The following MOSPD3 variants were observed in gnomAD, a reference collection of about 807,000 sequenced individuals.
The protein encoded by MOSPD3 is motile sperm domain containing 3, also known as motile sperm domain-containing protein 3.
MOSPD3 carries 20 observed loss-of-function variants against 23.3 expected under a neutral mutation model. The observed-to-expected ratio is 0.86, with a 90% CI of 0.61 to 1.25. The LOEUF (loss-of-function observed/expected upper bound fraction) is 1.25, where lower values mean the gene tolerates loss of function less well. MOSPD3 is among the 50% of genes most tolerant of loss of function. The pLI is 0.00. For synonymous variants in MOSPD3, 136 were observed against 135.2 expected, an observed-to-expected ratio of 1.01 and a Z score of -0.04; for missense variants, 307 against 315.7, an observed-to-expected ratio of 0.97 and a Z score of 0.21.
chr7:100,613,613 T>A lies in MOSPD3; in HGVS notation c.418T>A (p.Tyr140Asn), dbSNP rs749953276. The change falls in exon 3 of 5, where the codon TAC becomes AAC. Residue 140 changes from tyrosine to asparagine, a missense_variant. Coordinates refer to ENST00000393950, the MANE Select transcript of MOSPD3 (RefSeq NM_023948.5). ...DITSILRAPA[Y>N]PLELQGQPDP... Reference sequence around the variant, plus strand: ...TACCTCCATTCTGAGAGCCCCAGCGTACCCCCTTGAGCTTCAGGGACAGCC... The same window carrying A: ...TACCTCCATTCTGAGAGCCCCAGCGAACCCCCTTGAGCTTCAGGGACAGCC... 1.2e-6 allele frequency: 2 copies of A among 1,614,222 alleles called. No homozygotes were observed. Among genetic ancestry groups the A allele is most frequent in the Admixed American group, 3.3e-5 (2 of 60,020 alleles).
In MOSPD3 at chr7:100,613,157, A is replaced by G. The variant is rs568794077; in HGVS notation, c.206-37A>G. The G allele has an allele frequency of 2.9e-5, 47 of 1,609,654 alleles. No individual in the cohort carries two copies. In the Middle Eastern group the frequency reaches 6.6e-4, roughly 23 times the overall value. On this transcript the variant is annotated intron_variant, in intron 1 of 4. Transcript: ENST00000393950. ...GGCAGAGGGGACTTAAATGACCCACATGGCAGGGCTTGTCTGTGTGTGTCT... is the reference window on the plus strand; with the variant it reads ...GGCAGAGGGGACTTAAATGACCCACGTGGCAGGGCTTGTCTGTGTGTGTCT...
Position 100,612,842 on chromosome 7 carries a change from T to C in MOSPD3, c.51T>C (p.Pro17=). The C allele has an allele frequency of 6.2e-7, 1 of 1,610,620 alleles. No individual in the cohort carries two copies. Residue 17 remains proline, a synonymous_variant, in exon 1 of 5, where the codon CCT becomes CCC. Transcript: ENST00000393950. ...QDQELVGPGP[P]GRGSRGAPPP... ...AGGAGCTGGTGGGTCCGGGGCCCCCTGGGCGGGGGTCCCGGGGCGCCCCTC... is the reference window on the plus strand; with the variant it reads ...AGGAGCTGGTGGGTCCGGGGCCCCCCGGGCGGGGGTCCCGGGGCGCCCCTC...
rs1320876181 is a variant in MOSPD3, at chr7:100,615,328, G to A, written c.*145G>A. Reference sequence around the variant, plus strand: ...TCCTCCCTGACAAAAAACACCCAGGGATTTGTACTCATTTTCCAAGTTGAA... The same window carrying A: ...TCCTCCCTGACAAAAAACACCCAGGAATTTGTACTCATTTTCCAAGTTGAA... On this transcript the variant is annotated 3_prime_UTR_variant, in exon 5 of 5. Coordinates refer to ENST00000393950, the MANE Select transcript of MOSPD3 (RefSeq NM_023948.5). The A allele has an allele frequency of 1.5e-6, 1 of 654,900 alleles. No homozygotes were observed. The highest frequency in any genetic ancestry group is 1.8e-5 in the African/African-American group (1 of 54,318). 40.6% of individuals were successfully genotyped at this position (654,900 alleles called of 1,614,324 possible). A position where few individuals can be genotyped will look rare whatever the true frequency, so the allele number is the denominator to read the frequency against.
At chr7:100,614,751 A>G in intron 3 of MOSPD3, 116 bp from the exon 4 acceptor site, 1 of 1,202,050 alleles carries the variant, frequency 8.3e-7, no homozygotes, top group East Asian at 2.6e-5. Context: ...TCTACAAAAA[A>G]TAAAAGATAA....
intron 3 of MOSPD3, 181 bp downstream of exon 3, chr7:100,613,887 G>T: frequency 3.1e-6 from 2 of 637,372 alleles, no homozygotes; most frequent in Non-Finnish European, 2.7e-6. Flanking sequence ...AGCTTCCCTG[G>T]TTTCTGACTT....
Position 100,613,202 on chromosome 7 carries a change from A to G in MOSPD3, c.214A>G (p.Thr72Ala). ...GTGTCTCTATCCCCCAGTCCTGTGC[A>G]CAGCACCTGCCAAATACACGGTGTT... Reference protein sequence around the residue: ...GTALRFRVLCTAPAKYTVFDA... With the variant: ...GTALRFRVLCAAPAKYTVFDA... Residue 72 changes from threonine to alanine, a missense_variant, in exon 2 of 5, where the codon ACA (threonine) becomes GCA (alanine). Thr to Ala is a moderately conservative substitution (Grantham distance 58). Coordinates refer to ENST00000393950, the MANE Select transcript of MOSPD3 (RefSeq NM_023948.5). 6.2e-7 allele frequency: 1 copy of G among 1,614,104 alleles called. No individual in the cohort carries two copies. Among genetic ancestry groups the G allele is most frequent in the East Asian group, 2.2e-5 (1 of 44,874 alleles).
At position 100,613,036 on chromosome 7, in the gene MOSPD3, A is replaced by C. The variant is rs200215364; in HGVS notation, c.205+40A>C. On this transcript the variant is annotated intron_variant, in intron 1 of 4. Transcript: ENST00000393950. ...GCCTCGTGGGGGCTGGTGGCCGGACACTGGGGGGTTGTGTTGGCTGGAGGA... is the reference window on the plus strand; with the variant it reads ...GCCTCGTGGGGGCTGGTGGCCGGACCCTGGGGGGTTGTGTTGGCTGGAGGA... The C allele has an allele frequency of 3.5e-4, 559 of 1,610,230 alleles. 3 individuals are homozygous for C. In the East Asian group the frequency reaches 0.011, roughly 32 times the overall value.
chr7:100,613,449 A>G (rs1424086714), intron 2 of MOSPD3, 28 bp from the exon 3 acceptor site: 3 of 1,611,126 alleles, frequency 1.9e-6, no homozygotes, highest in East Asian at 4.5e-5. Flanking sequence ...ATTCACCCCA[A>G]TGGGCTTCTC....
chr7:100,615,349 T>C lies in MOSPD3; in HGVS notation c.*166T>C, dbSNP rs138646199. ...CAGGGATTTGTACTCATTTTCCAAG[T>C]TGAATAAAATACATTTTTAAAATGA... On this transcript the variant is annotated 3_prime_UTR_variant, in exon 5 of 5. Coordinates refer to ENST00000393950, the MANE Select transcript of MOSPD3 (RefSeq NM_023948.5). 51 of 599,244 alleles carry C rather than the reference T, an allele frequency of 8.5e-5. No individual in the cohort carries two copies. The African/African-American group carries it at 9.2e-4, about 11-fold the overall frequency. 37.1% of individuals were successfully genotyped at this position (599,244 alleles called of 1,614,324 possible).
chr7:100,615,184 G>A lies in MOSPD3; in HGVS notation c.*1G>A, dbSNP rs750843847. 3.1e-6 allele frequency: 5 copies of A among 1,613,886 alleles called. No homozygotes were observed. Among genetic ancestry groups the A allele is most frequent in the Admixed American group, 1.7e-5 (1 of 60,008 alleles). ...CACCATGGTGTTCCTCCGGACCTGA[G>A]CTCCGTGCTCAACCCCCAGCCCACC... On this transcript the variant is annotated 3_prime_UTR_variant, in exon 5 of 5. Transcript: ENST00000393950.
intron 3 of MOSPD3, among the ~76,000 whole-genome samples, chr7:100,614,132 G>A (rs1370951791): frequency 6.6e-6 from 1 of 152,138 alleles, no homozygotes; most frequent in Non-Finnish European, 1.5e-5. Context: ...AGAGGCTGTA[G>A]GAAGGAGAGG....
intron 3 of MOSPD3, among the ~76,000 whole-genome samples, 189 bp from the exon 4 acceptor site, chr7:100,614,678 G>T (rs1379417690): frequency 6.6e-6 from 1 of 152,058 alleles, no homozygotes; most frequent in Non-Finnish European, 1.5e-5. Flanking sequence ...GGAAGCTAAG[G>T]CAGGAGGATC....
At position 100,612,959 on chromosome 7, in the gene MOSPD3, C is replaced by T. The variant is rs762895335; in HGVS notation, c.168C>T (p.Thr56=). ...DQRSGPRQLL[T]LYNPTGTALR... is the part of the protein sequence containing the mutation. ...GGAGCGGACCCCGACAGCTGCTGAC[C>T]CTCTATAACCCCACAGGAACTGCGC... Residue 56 remains threonine, a synonymous_variant, in exon 1 of 5, where the codon ACC becomes ACT. Coordinates refer to ENST00000393950, the MANE Select transcript of MOSPD3 (RefSeq NM_023948.5). The T allele has an allele frequency of 5.6e-6, 9 of 1,613,998 alleles. No individual in the cohort carries two copies. Among genetic ancestry groups the T allele is most frequent in the South Asian group, 3.3e-5 (3 of 91,076 alleles).
At position 100,613,477 on chromosome 7, in the gene MOSPD3, T is replaced by C. The variant is rs749427887; in HGVS notation, c.282T>C (p.Ile94=). Residue 94 remains isoleucine (I), a splice_region_variant and synonymous_variant, in exon 3 of 5, where the codon ATT becomes ATC. Coordinates refer to ENST00000393950, the MANE Select transcript of MOSPD3 (RefSeq NM_023948.5). ...GGCTTCTCTCCTACCTTGGGACCAG[T>C]GTGATTCGCCATGTGGCACCCATTC... ...GYVKPQSCID[I]VIRHVAPIPS... 7 of 1,613,944 alleles carry C rather than the reference T, an allele frequency of 4.3e-6. No individual in the cohort carries two copies. The Admixed American group carries it at 6.7e-5, about 15-fold the overall frequency.
At chr7:100,613,972 A>G (rs370246420) in intron 3 of MOSPD3, among the ~76,000 whole-genome samples, 7 of 152,296 alleles carry the variant, frequency 4.6e-5, no homozygotes, top group African/African-American at 1.7e-4. Flanking sequence ...GTTCAGTTCA[A>G]TAAGAAACCT....
Position 100,612,767 on chromosome 7 carries a change from G to C in MOSPD3, c.-25G>C, listed in dbSNP as rs1174100183. On this transcript the variant is annotated 5_prime_UTR_variant, in exon 1 of 5. Coordinates refer to ENST00000393950, the MANE Select transcript of MOSPD3 (RefSeq NM_023948.5). ...GCCCTGTCCCCTGAGCTCTGCCCTC[G>C]GATGTCCGACCGCCCAGAGCCTGCA... The C allele has an allele frequency of 6.5e-7, 1 of 1,546,570 alleles. No homozygotes were observed. Among genetic ancestry groups the C allele is most frequent in the Admixed American group, 2.2e-5 (1 of 46,424 alleles).
chr7:100,614,348 C>G (rs907027607), intron 3 of MOSPD3, among the ~76,000 whole-genome samples: 4 of 151,864 alleles, frequency 2.6e-5, no homozygotes, highest in African/African-American at 9.7e-5. Flanking sequence ...CACCTGTAAT[C>G]CCAGCTAGTC....
chr7:100,612,754 G>T lies in MOSPD3; in HGVS notation c.-38G>T. ...GCTCTGACTCCAGGCCCTGTCCCCT[G>T]AGCTCTGCCCTCGGATGTCCGACCG... On this transcript the variant is annotated 5_prime_UTR_variant, in exon 1 of 5. Transcript: ENST00000393950. The T allele has an allele frequency of 6.6e-7, 1 of 1,516,258 alleles. No homozygotes were observed. Among genetic ancestry groups the T allele is most frequent in the South Asian group, 1.3e-5 (1 of 77,754 alleles). 93.9% of individuals were successfully genotyped at this position (1,516,258 alleles called of 1,614,324 possible).
In MOSPD3 at chr7:100,612,821, G is replaced by A. The variant is rs533173952; in HGVS notation, c.30G>A (p.Glu10=). MRRGAPQDQ[E]LVGPGPPGRG... ...GCCGTGGGGCGCCCCAGGACCAGGA[G>A]CTGGTGGGTCCGGGGCCCCCTGGGC... is the stretch of plus-strand genomic sequence containing the variant. The change falls in exon 1 of 5, where the codon GAG becomes GAA. Residue 10 remains glutamate, a synonymous_variant. Coordinates refer to ENST00000393950, the MANE Select transcript of MOSPD3 (RefSeq NM_023948.5). 3 of 1,604,364 alleles carry A rather than the reference G, an allele frequency of 1.9e-6. No individual in the cohort carries two copies. The highest frequency in any genetic ancestry group is 2.5e-6 in the Non-Finnish European group (3 of 1,177,162).
Sources: gnomAD v4.1 joint callset for allele counts (sites outside exome capture counted in the v4.1 genomes callset) on GRCh38, gnomAD v4.1.1 for gene constraint, MANE v1.5 for transcripts, NCBI Gene and HGNC (gene_info 2026-07-23, HGNC 2026-07-21) for gene names.